NCAM1: variants seen among roughly 807,000 people sequenced by gnomAD.
NCAM1 encodes the protein antigen recognized by monoclonal antibody 5.1H11.
In NCAM1, 14 loss-of-function variants were observed where a neutral mutation model predicts 109.8. The observed-to-expected ratio is 0.13, with a 90% CI of 0.08 to 0.20. The LOEUF (loss-of-function observed/expected upper bound fraction) is 0.20. Among genes scored for constraint, NCAM1 ranks in the 10% least tolerant of loss-of-function variants. The pLI is 1.00. For missense variants in NCAM1, 774 were observed against 1,109.9 expected, an observed-to-expected ratio of 0.70 and a Z score of 4.30; for synonymous variants, 418 against 442.9, an observed-to-expected ratio of 0.94 and a Z score of 0.70.
intron 15 of NCAM1, among the ~76,000 whole-genome samples, chr11:113,252,142 A>G (rs1341831908): frequency 9.2e-5 from 14 of 152,158 alleles, no homozygotes; most frequent in African/African-American, 3.4e-4. Flanking sequence ...GGCTGGGTGC[A>G]GGGGCTCACA....
intron 19 of NCAM1, 35 bp downstream of exon 19, chr11:113,271,911 T>C (rs1555125510): frequency 6.7e-7 from 1 of 1,502,888 alleles, no homozygotes; most frequent in Non-Finnish European, 9.0e-7. Context: ...ACCTGCTCCG[T>C]AGAGACCCCC....
chr11:113,237,905 GATAT>G (rs55698443), intron 14 of NCAM1, among the ~76,000 whole-genome samples: 57,416 of 138,820 alleles, frequency 0.41, 12,699 homozygotes, highest in East Asian at 0.75. Flanking sequence ...TAGATATATA[GATAT>G]ATATAGATAT....
chr11:113,040,038 G>A (rs1295919250), intron 1 of NCAM1, among the ~76,000 whole-genome samples: 1 of 152,158 alleles, frequency 6.6e-6, no homozygotes, highest in African/African-American at 2.4e-5. Flanking sequence ...CTACTCGGGA[G>A]GCTGAGGCAG....
intron 1 of NCAM1, among the ~76,000 whole-genome samples, chr11:113,109,986 A>G (rs1434243376): frequency 5.9e-5 from 9 of 152,206 alleles, no homozygotes; most frequent in Non-Finnish European, 1.3e-4. Flanking sequence ...ACAGGGAGAT[A>G]TACATGAATG....
intron 1 of NCAM1, among the ~76,000 whole-genome samples, chr11:113,086,182 C>T (rs2135720578): frequency 6.6e-6 from 1 of 152,256 alleles, no homozygotes; most frequent in South Asian, 2.1e-4. Context: ...CCTTGGAAGG[C>T]AAGTTGAAGG....
intron 1 of NCAM1, among the ~76,000 whole-genome samples, chr11:113,093,863 T>C (rs1207959690): frequency 6.6e-6 from 1 of 152,154 alleles, no homozygotes; most frequent in African/African-American, 2.4e-5. Context: ...GGCCATGAAG[T>C]CATTACATTC....
intron 14 of NCAM1, chr11:113,236,213 A>G (rs1369605179): frequency 1.5e-6 from 2 of 1,371,096 alleles, no homozygotes; most frequent in African/African-American, 1.4e-5. Context: ...TGCGGATTCT[A>G]TTCATTTCTT....
chr11:113,232,660 C>T, intron 11 of NCAM1, 58 bp from the exon 12 acceptor site: 3 of 1,321,112 alleles, frequency 2.3e-6, no homozygotes, highest in Non-Finnish European at 3.3e-6. Context: ...AAATAAAGAT[C>T]TGAGTCTGTG....
At chr11:113,025,422 G>A (rs941603901) in intron 1 of NCAM1, among the ~76,000 whole-genome samples, 1 of 151,942 alleles carries the variant, frequency 6.6e-6, no homozygotes, top group Non-Finnish European at 1.5e-5. Flanking sequence ...GGGTTACAGT[G>A]GTAACCTATA....
chr11:113,041,493 G>A (rs2135425590), intron 1 of NCAM1, among the ~76,000 whole-genome samples: 1 of 152,162 alleles, frequency 6.6e-6, no homozygotes, highest in Middle Eastern at 3.4e-3. Context: ...GTGAAGCCAG[G>A]AGAGTAACTA....
At chr11:113,244,383 G>A (rs1257432814) in intron 14 of NCAM1, among the ~76,000 whole-genome samples, 1 of 152,222 alleles carries the variant, frequency 6.6e-6, no homozygotes, top group African/African-American at 2.4e-5. Flanking sequence ...CCAAAGGGAA[G>A]AAAGTTTGAG....
chr11:112,972,162 A>T (rs1176619259), intron 1 of NCAM1, among the ~76,000 whole-genome samples: 1 of 152,156 alleles, frequency 6.6e-6, no homozygotes, highest in Non-Finnish European at 1.5e-5. Flanking sequence ...CTTTGAAGGA[A>T]GAATTTATCT....
intron 1 of NCAM1, among the ~76,000 whole-genome samples, chr11:113,073,797 C>T (rs1360643088): frequency 6.6e-6 from 1 of 152,202 alleles, no homozygotes; most frequent in Admixed American, 6.5e-5. Context: ...AGGAACACAC[C>T]TGCTGCTCTT....
At chr11:113,204,201 C>CT in intron 2 of NCAM1, 85 bp from the exon 3 acceptor site, 1 of 1,130,314 alleles carries the variant, frequency 8.8e-7, no homozygotes, top group Admixed American at 2.2e-5. Context: ...TTCAGTAACT[C>CT]TTACTGATCA....
chr11:112,966,947 G>T (rs889967803), intron 1 of NCAM1, among the ~76,000 whole-genome samples: 28 of 152,154 alleles, frequency 1.8e-4, no homozygotes, highest in Admixed American at 1.4e-3. Flanking sequence ...AAGCTATTTG[G>T]TGTATCTTGT....
At chr11:113,201,367 C>T (rs1474672153) in intron 1 of NCAM1, among the ~76,000 whole-genome samples, 1 of 152,174 alleles carries the variant, frequency 6.6e-6, no homozygotes, top group Non-Finnish European at 1.5e-5. Flanking sequence ...ATCTCCATTC[C>T]CCAGGCTGTT....
At chr11:113,192,996 A>AG (rs1351756600) in intron 1 of NCAM1, among the ~76,000 whole-genome samples, 1 of 152,156 alleles carries the variant, frequency 6.6e-6, no homozygotes, top group Non-Finnish European at 1.5e-5. Context: ...TCAGTGCATG[A>AG]GGCTGCAGGA....
intron 1 of NCAM1, among the ~76,000 whole-genome samples, chr11:112,992,503 C>CTT (rs1335878256): frequency 1.6e-4 from 21 of 135,482 alleles, no homozygotes; most frequent in East Asian, 2.1e-4. Flanking sequence ...CTTTTTTTTT[C>CTT]TTTTTTTTTT....
chr11:113,263,160 A>T, intron 17 of NCAM1: 1 of 1,197,844 alleles, frequency 8.3e-7, no homozygotes, highest in Non-Finnish European at 1.0e-6. Flanking sequence ...GGCAGTAAAA[A>T]GAATTTGAGA....
Sources: allele counts gnomAD v4.1 joint callset (sites outside exome capture counted in the v4.1 genomes callset), GRCh38; gene constraint gnomAD v4.1.1; transcripts MANE v1.5; gene names NCBI Gene and HGNC (gene_info 2026-07-23, HGNC 2026-07-21).